Variants in UBR3 observed in about 807,000 individuals in gnomAD.
UBR3 encodes E3 ubiquitin-protein ligase UBR3.
Under a neutral mutation model 243.2 loss-of-function variants are expected in UBR3, and 85 were observed. The ratio of observed to expected loss-of-function variants is 0.35; its 90% CI spans 0.29 to 0.42. The LOEUF (loss-of-function observed/expected upper bound fraction) is 0.42, where lower values mean the gene tolerates loss of function less well. UBR3 is among the 10% of genes least tolerant of loss of function. The pLI is 1.00. For synonymous variants in UBR3, 748 were observed against 799.8 expected, an observed-to-expected ratio of 0.94 and a Z score of 1.09; for missense variants, 1,686 against 2,300.8, an observed-to-expected ratio of 0.73 and a Z score of 5.47.
intron 1 of UBR3, among the ~76,000 whole-genome samples, chr2:169,838,461 T>C (rs1390114469): frequency 6.9e-6 from 1 of 145,104 alleles, no homozygotes; most frequent in Non-Finnish European, 1.5e-5. Context: ...GGTGAGGCCT[T>C]CTTGCATACT....
intron 1 of UBR3, among the ~76,000 whole-genome samples, chr2:169,852,864 A>AAAAC: frequency 6.9e-6 from 1 of 145,328 alleles, no homozygotes; most frequent in Admixed American, 7.1e-5. Flanking sequence ...AAAAAAAAAA[A>AAAAC]AAAAAAAAAA....
intron 30 of UBR3, among the ~76,000 whole-genome samples, chr2:170,022,107 C>T (rs1179418854): frequency 6.6e-6 from 1 of 152,120 alleles, no homozygotes; most frequent in Admixed American, 6.5e-5. Flanking sequence ...CTTCCTAGGA[C>T]TACCTATATG....
intron 5 of UBR3, among the ~76,000 whole-genome samples, chr2:169,879,028 T>G (rs1320360968): frequency 6.6e-6 from 1 of 151,780 alleles, no homozygotes; most frequent in East Asian, 1.9e-4. Flanking sequence ...TGTCAGGGAT[T>G]TTTTTTTAAA....
At chr2:169,995,900 T>A (rs1322902039) in intron 26 of UBR3, among the ~76,000 whole-genome samples, 7 of 152,180 alleles carry the variant, frequency 4.6e-5, no homozygotes, top group Non-Finnish European at 1.0e-4. Context: ...CAAATGGGGT[T>A]TCCTTTCTCC....
In UBR3 at chr2:169,986,755, C is replaced by T. The variant is rs779325083; in HGVS notation, c.3745C>T (p.Arg1249Ter). The T allele has an allele frequency of 1.2e-6, 2 of 1,613,980 alleles. No homozygotes were observed. Among genetic ancestry groups the T allele is most frequent in the Non-Finnish European group, 1.7e-6 (2 of 1,179,986 alleles). The change falls in exon 25 of 39, where the codon CGA (arginine) becomes TGA (stop). Residue 1249 changes from arginine (R) to a stop codon, truncating the protein, a stop_gained. Coordinates refer to ENST00000272793, the MANE Select transcript of UBR3 (RefSeq NM_172070.4). LOFTEE classifies it high-confidence loss of function. ...CGQSGPSSED[R>*]PTGLVVLLQA... is the part of the protein sequence containing the mutation. ...ACAGAGTGGCCCCTCCTCTGAAGAT[C>T]GACCTACTGGATTAGTTGTACTGTT...
chr2:170,050,843 T>C (rs1476070849), intron 32 of UBR3, among the ~76,000 whole-genome samples: 1 of 152,202 alleles, frequency 6.6e-6, no homozygotes. Flanking sequence ...CAAGTGAATA[T>C]GAGAACTTAA....
Position 169,994,402 on chromosome 2 carries a change from C to T in UBR3, c.3864C>T (p.Thr1288=). The T allele has an allele frequency of 3.1e-6, 5 of 1,614,116 alleles. No homozygotes were observed. Among genetic ancestry groups the T allele is most frequent in the Non-Finnish European group, 4.2e-6 (5 of 1,180,024 alleles). The change falls in exon 26 of 39, where the codon ACC becomes ACT. Residue 1288 remains threonine, a synonymous_variant. Transcript: ENST00000272793. ...AGGAGCAGATTTACCCTTGGGATAC[C>T]TGTGCAGCCGTTCATGATGTGAGGC... ...SEEEQIYPWD[T]CAAVHDVRLS... is the part of the protein sequence containing the mutation.
At chr2:170,062,606 G>C (rs2091477644) in intron 35 of UBR3, among the ~76,000 whole-genome samples, 1 of 152,022 alleles carries the variant, frequency 6.6e-6, no homozygotes, top group African/African-American at 2.4e-5. Context: ...GTTTCTTTCT[G>C]GCATATGGGC....
intron 32 of UBR3, among the ~76,000 whole-genome samples, chr2:170,051,492 C>T (rs1042312913): frequency 4.6e-5 from 7 of 151,974 alleles, no homozygotes; most frequent in Non-Finnish European, 7.4e-5. Context: ...TTACAGGCAC[C>T]CGCCACCACG....
At chr2:169,971,014 A>G in intron 24 of UBR3, among the ~76,000 whole-genome samples, 1 of 148,736 alleles carries the variant, frequency 6.7e-6, no homozygotes, top group South Asian at 2.2e-4. Flanking sequence ...AATGATTGCC[A>G]TTCTAACTGG....
At chr2:169,909,425 A>C (rs1317044715) in intron 10 of UBR3, among the ~76,000 whole-genome samples, 1 of 152,168 alleles carries the variant, frequency 6.6e-6, no homozygotes, top group Non-Finnish European at 1.5e-5. Context: ...AATTGATCTC[A>C]CTTATATGTA....
chr2:170,017,546 G>C (rs62172023), intron 30 of UBR3, among the ~76,000 whole-genome samples: 14,310 of 124,754 alleles, frequency 0.11, 802 homozygotes, highest in African/African-American at 0.21. Context: ...CACACACACA[G>C]ACACACACAC....
intron 18 of UBR3, among the ~76,000 whole-genome samples, chr2:169,929,442 G>A (rs1237971834): frequency 6.6e-6 from 1 of 152,066 alleles, no homozygotes; most frequent in Non-Finnish European, 1.5e-5. Flanking sequence ...CAGGCATGGT[G>A]GCAGGTGCCT....
chr2:169,946,149 C>A, intron 20 of UBR3, 139 bp from the exon 21 acceptor site: 4 of 377,676 alleles, frequency 1.1e-5, no homozygotes, highest in Non-Finnish European at 2.0e-5. Flanking sequence ...CTCTGACATA[C>A]CTTTAGAAAA....
chr2:169,940,201 A>G (rs564328975), intron 19 of UBR3, among the ~76,000 whole-genome samples: 1 of 152,254 alleles, frequency 6.6e-6, no homozygotes, highest in South Asian at 2.1e-4. Context: ...TATAAAATAC[A>G]TTATTATTAA....
intron 28 of UBR3, among the ~76,000 whole-genome samples, chr2:170,008,397 A>T (rs776897191): frequency 6.6e-6 from 1 of 152,194 alleles, no homozygotes; most frequent in African/African-American, 2.4e-5. Flanking sequence ...TATAAATCCA[A>T]ATTCTTATGT....
At chr2:169,975,053 A>G (rs6706109) in intron 24 of UBR3, among the ~76,000 whole-genome samples, 107,875 of 151,932 alleles carry the variant, frequency 0.71, 39,173 homozygotes, top group East Asian at 0.88. Context: ...TGCCTGTAGT[A>G]CAGCTACTTG....
intron 25 of UBR3, among the ~76,000 whole-genome samples, chr2:169,987,544 T>G (rs546500449): frequency 4.6e-5 from 7 of 151,478 alleles, no homozygotes; most frequent in Admixed American, 1.3e-4. Flanking sequence ...AATTGGTATG[T>G]TTAGCAGTCT....
At chr2:169,971,012 C>A (rs1416381324) in intron 24 of UBR3, among the ~76,000 whole-genome samples, 1 of 148,192 alleles carries the variant, frequency 6.7e-6, no homozygotes, top group Non-Finnish European at 1.5e-5. Flanking sequence ...TTAATGATTG[C>A]CATTCTAACT....
Sources: allele counts gnomAD v4.1 joint callset (sites outside exome capture counted in the v4.1 genomes callset), GRCh38; gene constraint gnomAD v4.1.1; transcripts MANE v1.5; gene names NCBI Gene and HGNC (gene_info 2026-07-23, HGNC 2026-07-21).